Variants in ABLIM3 observed in about 807,000 individuals in gnomAD.
ABLIM3 encodes the protein actin binding LIM protein family member 3.
Under a neutral mutation model 109.5 loss-of-function variants are expected in ABLIM3, and 61 were observed. The ratio of observed to expected loss-of-function variants is 0.56; its 90% CI spans 0.45 to 0.69. The LOEUF (loss-of-function observed/expected upper bound fraction) is 0.69, where lower values mean the gene tolerates loss of function less well. ABLIM3 is among the 30% of genes least tolerant of loss of function. ABLIM3 has a pLI of 0.00. For synonymous variants in ABLIM3, 300 were observed against 324.8 expected (o/e 0.92, Z 0.82); for missense variants, 796 against 889.5 (o/e 0.89, Z 1.34).
chr5:149,221,098 T>A (rs1394305954), intron 8 of ABLIM3, among the ~76,000 whole-genome samples: 1 of 152,196 alleles, frequency 6.6e-6, no homozygotes, highest in African/African-American at 2.4e-5. Flanking sequence ...AAGGGATATT[T>A]CAAGCCAAGA....
rs746599622 is a variant in ABLIM3 at position 149,198,453 on chromosome 5, C to A, written c.335+51C>A. ...GGACCCTCTGCATAAGCCCCCGGGGCAGGGGAAGACCTGGCTTTTTCCAGG... is the reference window on the plus strand; with the variant it reads ...GGACCCTCTGCATAAGCCCCCGGGGAAGGGGAAGACCTGGCTTTTTCCAGG... On this transcript the variant is annotated intron_variant, in intron 4 of 23. Coordinates refer to ENST00000309868, the MANE Select transcript of ABLIM3 (RefSeq NM_014945.5). The surrounding 1 kb of genome is among the most constrained non-coding windows in gnomAD (Gnocchi z 4.2). 4 of 1,523,568 alleles carry A rather than the reference C, an allele frequency of 2.6e-6. No homozygotes were observed. Among genetic ancestry groups the A allele is most frequent in the Non-Finnish European group, 3.5e-6 (4 of 1,138,182 alleles). The allele number at this position is 1,523,568 out of a possible 1,614,324, so 94.4% of individuals were successfully genotyped here.
chr5:149,228,872 G>A (rs149343373), intron 8 of ABLIM3, among the ~76,000 whole-genome samples: 1 of 152,256 alleles, frequency 6.6e-6, no homozygotes, highest in East Asian at 1.9e-4. Context: ...AGAGTGAAAT[G>A]CCAATGTTAT....
chr5:149,150,141 G>A (rs1398423519), intron 2 of ABLIM3, among the ~76,000 whole-genome samples: 1 of 152,146 alleles, frequency 6.6e-6, no homozygotes, highest in Non-Finnish European at 1.5e-5. Flanking sequence ...AGCTTCCCAG[G>A]GCACAGTCCA....
At chr5:149,152,695 C>G (rs1254598508) in intron 2 of ABLIM3, among the ~76,000 whole-genome samples, 3 of 152,114 alleles carry the variant, frequency 2.0e-5, no homozygotes, top group Non-Finnish European at 4.4e-5. Flanking sequence ...CTGAACTGTT[C>G]CAGAGAATGT....
At position 149,259,719 on chromosome 5, in the gene ABLIM3, T is replaced by C. The variant is rs1194943876; in HGVS notation, c.*1315T>C. 46 of 940,586 alleles carry C rather than the reference T, an allele frequency of 4.9e-5. No homozygotes were observed. Among genetic ancestry groups the C allele is most frequent in the Non-Finnish European group, 7.1e-5 (44 of 619,780 alleles). The allele number at this position is 940,586 out of a possible 1,614,324, so 58.3% of individuals were successfully genotyped here. A position where few individuals can be genotyped will look rare whatever the true frequency, so the allele number is the denominator to read the frequency against. ...CAAACCTTTCACCTTGAATGGGTAATGTTTGGTGGGGGCTGTTCCTTCTTG... is the reference window on the plus strand; with the variant it reads ...CAAACCTTTCACCTTGAATGGGTAACGTTTGGTGGGGGCTGTTCCTTCTTG... On this transcript the variant is annotated 3_prime_UTR_variant, in exon 24 of 24. Transcript: ENST00000309868.
chr5:149,239,292 A>G lies in ABLIM3; in HGVS notation c.1074+15A>G. The G allele has an allele frequency of 6.2e-7, 1 of 1,612,408 alleles. No individual in the cohort carries two copies. Among genetic ancestry groups the G allele is most frequent in the Admixed American group, 1.7e-5 (1 of 60,022 alleles). ...CCTACTCCCAGGTAATTCAGCTGAT[A>G]GAGAATTAAGTTGATATATAATTGT... On this transcript the variant is annotated intron_variant, in intron 12 of 23. Transcript: ENST00000309868.
chr5:149,247,810 T>C lies in ABLIM3; in HGVS notation c.1580T>C (p.Leu527Pro), dbSNP rs751442942. The C allele has an allele frequency of 9.9e-6, 16 of 1,614,132 alleles. No homozygotes were observed. The highest frequency in any genetic ancestry group is 2.2e-5 in the East Asian group (1 of 44,898). Residue 527 changes from leucine to proline, a missense_variant, in exon 18 of 24, where the codon CTG becomes CCG. Leu to Pro is a moderately conservative substitution (Grantham distance 98). Transcript: ENST00000309868. ...KLQSGIGRLI[L>P]KEEMKARSSS... is the part of the protein sequence containing the mutation. ...CAAAGTGGAATTGGCCGGCTGATTC[T>C]GAAGGAAGAAATGAAGGCCCGGTCG...
intron 3 of ABLIM3, among the ~76,000 whole-genome samples, chr5:149,189,493 T>A (rs1313734302): frequency 1.3e-5 from 2 of 152,180 alleles, no homozygotes; most frequent in Non-Finnish European, 2.9e-5. Context: ...TGTAAAGAAT[T>A]CTTACAATTG....
chr5:149,198,214 C>T lies in ABLIM3; in HGVS notation c.152-5C>T, dbSNP rs773109048. 2 of 1,608,142 alleles carry T rather than the reference C, an allele frequency of 1.2e-6. No individual in the cohort carries two copies. Among genetic ancestry groups the T allele is most frequent in the Admixed American group, 1.7e-5 (1 of 59,088 alleles). ...CTGCCCTTGTTTTCCTCCTTGTTCC[C>T]CAAGTATGTGGCTGTGGCCTGGCCC... On this transcript the variant is annotated splice_polypyrimidine_tract_variant and splice_region_variant and intron_variant, in intron 3 of 23. Coordinates refer to ENST00000309868, the MANE Select transcript of ABLIM3 (RefSeq NM_014945.5). The surrounding 1 kb of genome is among the most constrained non-coding windows in gnomAD (Gnocchi z 4.2).
intron 11 of ABLIM3, 107 bp downstream of exon 11, chr5:149,237,710 C>T: frequency 7.0e-7 from 1 of 1,437,320 alleles, no homozygotes; most frequent in East Asian, 2.3e-5. Context: ...ATGCTGGCTC[C>T]CAGACTCTTC....
chr5:149,187,964 C>T (rs1022078790), intron 3 of ABLIM3, among the ~76,000 whole-genome samples: 1 of 152,220 alleles, frequency 6.6e-6, no homozygotes, highest in Non-Finnish European at 1.5e-5. Context: ...TGCACCCTCA[C>T]CTTTGCTCCA....
chr5:149,155,620 A>G (rs769740354), intron 2 of ABLIM3, among the ~76,000 whole-genome samples: 1 of 152,132 alleles, frequency 6.6e-6, no homozygotes, highest in Non-Finnish European at 1.5e-5. Flanking sequence ...AAGAAAGAGC[A>G]GTCTAGATGG....
At chr5:149,200,972 C>T (rs1260396295) in intron 5 of ABLIM3, among the ~76,000 whole-genome samples, 1 of 152,200 alleles carries the variant, frequency 6.6e-6, no homozygotes, top group Non-Finnish European at 1.5e-5. Context: ...TAGGAATCAA[C>T]ATTCCCAGTA....
intron 2 of ABLIM3, among the ~76,000 whole-genome samples, chr5:149,148,478 C>CA (rs1753127383): frequency 6.6e-6 from 1 of 152,152 alleles, no homozygotes; most frequent in African/African-American, 2.4e-5. Context: ...GTAGATCCAA[C>CA]ATCCAGCCTT....
intron 22 of ABLIM3, 44 bp from the exon 23 acceptor site, chr5:149,252,713 C>T (rs544139789): frequency 5.4e-6 from 8 of 1,484,280 alleles, no homozygotes; most frequent in Non-Finnish European, 7.5e-6. Flanking sequence ...GGAACAAGCC[C>T]ACCACCCTCA....
chr5:149,231,743 A>G (rs909790607), intron 9 of ABLIM3, among the ~76,000 whole-genome samples: 1 of 152,166 alleles, frequency 6.6e-6, no homozygotes, highest in African/African-American at 2.4e-5. Flanking sequence ...CCCAAACTTC[A>G]GTCATCGTCT....
rs142186861 is a variant in ABLIM3, at chr5:149,251,988, A to G, written c.1850-213A>G. Among the ~76,000 whole-genome samples, 6 of 152,360 alleles carry G rather than the reference A, an allele frequency of 3.9e-5. No individual in the cohort carries two copies. The East Asian group carries it at 1.2e-3, about 29-fold the overall frequency. ...TTTTCCTTAGAACCATCTCAAGATC[A>G]GCCCAACCCCTATCTTCAGCCTTCC... On this transcript the variant is annotated intron_variant, in intron 21 of 23. Transcript: ENST00000309868.
chr5:149,242,957 G>C (rs927324686), intron 15 of ABLIM3, among the ~76,000 whole-genome samples: 11 of 152,154 alleles, frequency 7.2e-5, no homozygotes, highest in African/African-American at 2.2e-4. Context: ...TATGTGTCAC[G>C]GTTTCTCCAA....
intron 14 of ABLIM3, 60 bp downstream of exon 14, chr5:149,240,834 C>A (rs1195137047): frequency 2.7e-6 from 4 of 1,489,808 alleles, no homozygotes; most frequent in Non-Finnish European, 1.9e-6. Flanking sequence ...GTCACAGGTG[C>A]CTGAGTCACC....
Sources: gnomAD v4.1 joint callset for allele counts (sites outside exome capture counted in the v4.1 genomes callset) on GRCh38, gnomAD v4.1.1 for gene constraint, Gnocchi (gnomAD v3.1) non-coding constraint, MANE v1.5 for transcripts, NCBI Gene and HGNC (gene_info 2026-07-23, HGNC 2026-07-21) for gene names.